Variants in CHRM3 observed in about 807,000 individuals in gnomAD.
CHRM3 encodes muscarinic acetylcholine receptor M3.
A neutral mutation model predicts 41.8 loss-of-function variants in CHRM3; 11 were observed. That is an observed-to-expected ratio of 0.26 (90% CI 0.17 to 0.44). CHRM3 has a LOEUF of 0.44. Among genes scored for constraint, CHRM3 ranks in the 20% least tolerant of loss-of-function variants. The pLI is 1.00. For synonymous variants in CHRM3, 297 were observed against 301.4 expected (o/e 0.99, Z 0.15); for missense variants, 571 against 745.4 (o/e 0.77, Z 2.72).
chr1:239,668,169 G>C (rs906829311), intron 4 of CHRM3, among the ~76,000 whole-genome samples: 1 of 136,952 alleles, frequency 7.3e-6, no homozygotes, highest in Non-Finnish European at 1.5e-5. Context: ...CGTGATCTTG[G>C]CTGACTGCAA....
At chr1:239,620,438 A>G (rs1165434992) in intron 3 of CHRM3, among the ~76,000 whole-genome samples, 2 of 152,284 alleles carry the variant, frequency 1.3e-5, no homozygotes, top group Middle Eastern at 3.4e-3. Flanking sequence ...GTAGATACAT[A>G]TATAGATAGA....
chr1:239,588,931 A>T (rs1663740954), intron 3 of CHRM3, among the ~76,000 whole-genome samples: 1 of 152,012 alleles, frequency 6.6e-6, no homozygotes, highest in South Asian at 2.1e-4. Flanking sequence ...TTAGTGAGTT[A>T]TGAAGCATCT....
intron 1 of CHRM3, among the ~76,000 whole-genome samples, chr1:239,442,448 A>C (rs965926054): frequency 1.0e-4 from 15 of 149,876 alleles, no homozygotes; most frequent in African/African-American, 3.4e-4. Context: ...GGTAGAGAAA[A>C]CCCTTTTTTT....
intron 3 of CHRM3, among the ~76,000 whole-genome samples, chr1:239,594,505 G>C (rs1353815345): frequency 1.3e-5 from 2 of 152,210 alleles, no homozygotes; most frequent in African/African-American, 4.8e-5. Context: ...TGTTGTCACA[G>C]AATCAAGTTG....
At chr1:239,540,273 G>A (rs890201280) in intron 2 of CHRM3, among the ~76,000 whole-genome samples, 4 of 151,990 alleles carry the variant, frequency 2.6e-5, no homozygotes, top group African/African-American at 7.3e-5. Context: ...TACAGAAGTC[G>A]GCATCATAAT....
intron 5 of CHRM3, among the ~76,000 whole-genome samples, chr1:239,771,748 A>C (rs1269307217): frequency 6.6e-6 from 1 of 152,248 alleles, no homozygotes. Flanking sequence ...TAATACACAC[A>C]CAAATGGGTG....
intron 3 of CHRM3, among the ~76,000 whole-genome samples, chr1:239,616,869 C>T (rs1667692345): frequency 8.5e-6 from 1 of 117,038 alleles, no homozygotes. Context: ...ATCCATTAGT[C>T]ATTGTTGTGC....
intron 6 of CHRM3, among the ~76,000 whole-genome samples, chr1:239,874,975 A>G (rs1022988476): frequency 5.9e-5 from 9 of 152,150 alleles, no homozygotes; most frequent in African/African-American, 2.2e-4. Context: ...CTGGGATTAC[A>G]GTCATGAGCC....
chr1:239,520,430 C>T (rs891960298), intron 2 of CHRM3, among the ~76,000 whole-genome samples: 3 of 151,944 alleles, frequency 2.0e-5, no homozygotes, highest in African/African-American at 7.3e-5. Flanking sequence ...TCTTATGAGA[C>T]CTGGCTGTTG....
At chr1:239,896,846 C>T (rs1679047572) in intron 6 of CHRM3, among the ~76,000 whole-genome samples, 3 of 152,144 alleles carry the variant, frequency 2.0e-5, no homozygotes, top group Non-Finnish European at 4.4e-5. Context: ...GGCAGAGTCA[C>T]CCTGGGTTGA....
At chr1:239,575,877 T>C (rs1662288745) in intron 3 of CHRM3, among the ~76,000 whole-genome samples, 1 of 152,132 alleles carries the variant, frequency 6.6e-6, no homozygotes, top group Admixed American at 6.5e-5. Flanking sequence ...TACATACATT[T>C]CACATTGCAT....
chr1:239,533,573 A>G (rs941829761), intron 2 of CHRM3, among the ~76,000 whole-genome samples: 4 of 151,514 alleles, frequency 2.6e-5, no homozygotes, highest in Admixed American at 2.0e-4. Flanking sequence ...TCTACTAAAA[A>G]AAAAAAAATT....
intron 5 of CHRM3, among the ~76,000 whole-genome samples, chr1:239,814,884 G>C (rs561365669): frequency 6.6e-6 from 1 of 152,086 alleles, no homozygotes; most frequent in Non-Finnish European, 1.5e-5. Context: ...CCCTTCAAGC[G>C]ATTCTCCTGC....
intron 6 of CHRM3, among the ~76,000 whole-genome samples, chr1:239,859,401 TTTG>T (rs1174146717): frequency 9.9e-4 from 145 of 145,946 alleles, no homozygotes; most frequent in African/African-American, 3.6e-3. Context: ...GCCTGTTTTT[TTTG>T]TTGTTGTTGT....
chr1:239,609,667 AT>A (rs1353384513), intron 3 of CHRM3, among the ~76,000 whole-genome samples: 55 of 152,228 alleles, frequency 3.6e-4, no homozygotes, highest in Non-Finnish European at 3.4e-4. Flanking sequence ...TATGGTCAGT[AT>A]TTTCAATTGT....
intron 3 of CHRM3, among the ~76,000 whole-genome samples, chr1:239,585,070 T>C (rs1390291649): frequency 6.7e-6 from 1 of 150,114 alleles, no homozygotes; most frequent in East Asian, 1.9e-4. Flanking sequence ...TATATATATA[T>C]ATATGTATAC....
At chr1:239,820,372 G>A (rs1452782999) in intron 5 of CHRM3, among the ~76,000 whole-genome samples, 2 of 152,152 alleles carry the variant, frequency 1.3e-5, no homozygotes, top group Non-Finnish European at 1.5e-5. Flanking sequence ...AAAGTCTGTT[G>A]GGGCCACAGA....
intron 5 of CHRM3, among the ~76,000 whole-genome samples, chr1:239,764,736 A>C (rs1667065732): frequency 6.6e-6 from 1 of 152,242 alleles, no homozygotes; most frequent in Admixed American, 6.5e-5. Flanking sequence ...TAACTCAATA[A>C]ATCATTTTGG....
intron 4 of CHRM3, among the ~76,000 whole-genome samples, chr1:239,639,979 GT>G (rs1343565939): frequency 1.3e-5 from 2 of 151,804 alleles, no homozygotes; most frequent in Admixed American, 1.3e-4. Flanking sequence ...ATGAAGGGTT[GT>G]TGAATTTTGT....
Sources: allele counts gnomAD v4.1 joint callset (sites outside exome capture counted in the v4.1 genomes callset), GRCh38; gene constraint gnomAD v4.1.1; transcripts MANE v1.5; gene names NCBI Gene and HGNC (gene_info 2026-07-23, HGNC 2026-07-21).